The following FARS2 variants were observed in gnomAD, a reference collection of about 807,000 sequenced individuals.
FARS2 encodes phenylalanine--tRNA ligase, mitochondrial.
FARS2 carries 40 observed loss-of-function variants against 46.4 expected under a neutral mutation model. The ratio of observed to expected loss-of-function variants is 0.86; its 90% CI spans 0.67 to 1.12. The LOEUF (loss-of-function observed/expected upper bound fraction) is 1.12. FARS2 is among the 50% of genes most tolerant of loss of function. FARS2 has a pLI of 0.00. For missense variants in FARS2, 513 were observed against 567.9 expected, an observed-to-expected ratio of 0.90 and a Z score of 0.98; for synonymous variants, 234 against 214.9, an observed-to-expected ratio of 1.09 and a Z score of -0.78.
chr6:5,597,799 C>T (rs557876528), intron 5 of FARS2, among the ~76,000 whole-genome samples: 1 of 152,270 alleles, frequency 6.6e-6, no homozygotes, highest in East Asian at 1.9e-4. Context: ...TAAAAACATA[C>T]AAATGCATAA....
intron 5 of FARS2, among the ~76,000 whole-genome samples, chr6:5,597,642 T>C (rs1327803701): frequency 1.3e-5 from 2 of 152,242 alleles, no homozygotes; most frequent in African/African-American, 2.4e-5. Flanking sequence ...GTAGGCTTTG[T>C]TGGACTCATT....
At chr6:5,408,140 C>G (rs1377106845) in intron 3 of FARS2, among the ~76,000 whole-genome samples, 1 of 152,146 alleles carries the variant, frequency 6.6e-6, no homozygotes, top group East Asian at 1.9e-4. Context: ...AATAAGCTAG[C>G]CATACTCCCT....
Position 5,287,335 on chromosome 6 carries a change from G to A in FARS2, c.-22+25675G>A, listed in dbSNP as rs114467110. Among the ~76,000 whole-genome samples, 638 of 152,276 alleles carry A rather than the reference G, an allele frequency of 4.2e-3. 2 individuals carry two copies. The highest frequency in any genetic ancestry group is 0.015 in the African/African-American group (603 of 41,550). ...GTGGGGAAGAGAGAAGAGAAATGGT[G>A]GAGTGGTCCGTGTTATCATCCTGTT... On this transcript the variant is annotated intron_variant, in intron 1 of 6. Coordinates refer to ENST00000274680, the MANE Select transcript of FARS2 (RefSeq NM_006567.5).
At chr6:5,299,944 TA>T (rs1460445122) in intron 1 of FARS2, among the ~76,000 whole-genome samples, 2 of 152,192 alleles carry the variant, frequency 1.3e-5, no homozygotes, top group South Asian at 2.1e-4. Flanking sequence ...CTTTATCTAT[TA>T]AAAAAAGATT....
intron 5 of FARS2, among the ~76,000 whole-genome samples, chr6:5,547,247 C>T (rs1304844281): frequency 2.6e-5 from 4 of 152,130 alleles, no homozygotes; most frequent in East Asian, 3.8e-4. Flanking sequence ...CCACTGCGCC[C>T]GGCCTCATAA....
intron 1 of FARS2, among the ~76,000 whole-genome samples, chr6:5,296,771 C>A (rs1014254125): frequency 2.0e-5 from 3 of 152,114 alleles, no homozygotes; most frequent in African/African-American, 7.2e-5. Context: ...TTTTTAAGGC[C>A]GAGTAGTATT....
chr6:5,700,866 C>T (rs917565351), intron 6 of FARS2, among the ~76,000 whole-genome samples: 1 of 152,182 alleles, frequency 6.6e-6, no homozygotes, highest in Non-Finnish European at 1.5e-5. Context: ...AGAGTCCTGT[C>T]GTTTGGGGGA....
chr6:5,635,200 A>G (rs554952004), intron 6 of FARS2, among the ~76,000 whole-genome samples: 1 of 152,360 alleles, frequency 6.6e-6, no homozygotes, highest in South Asian at 2.1e-4. Flanking sequence ...GGTGCTGGTT[A>G]CATCCTAATG....
At chr6:5,557,302 T>C (rs1443431557) in intron 5 of FARS2, among the ~76,000 whole-genome samples, 1 of 152,118 alleles carries the variant, frequency 6.6e-6, no homozygotes, top group African/African-American at 2.4e-5. Flanking sequence ...TCTAAAACAC[T>C]GAACATTTTA....
intron 5 of FARS2, among the ~76,000 whole-genome samples, chr6:5,561,770 T>C (rs1029640253): frequency 2.0e-5 from 3 of 152,104 alleles, no homozygotes; most frequent in Non-Finnish European, 2.9e-5. Flanking sequence ...TCTATTACCT[T>C]CTCTAGGTTT....
intron 6 of FARS2, among the ~76,000 whole-genome samples, chr6:5,635,175 A>G (rs191034093): frequency 1.2e-4 from 18 of 152,348 alleles, no homozygotes; most frequent in African/African-American, 4.3e-4. Flanking sequence ...GTGTCCAGTA[A>G]GTGTTATTGT....
At chr6:5,649,839 T>C (rs1363522106) in intron 6 of FARS2, among the ~76,000 whole-genome samples, 5 of 152,196 alleles carry the variant, frequency 3.3e-5, no homozygotes, top group South Asian at 2.1e-4. Flanking sequence ...TTGGCAGATG[T>C]GGTCTAGGGT....
At chr6:5,315,738 T>TTTCTTTCTTTCTTTCTTTC in intron 1 of FARS2, among the ~76,000 whole-genome samples, 5,921 of 125,180 alleles carry the variant, frequency 0.047, 282 homozygotes, top group African/African-American at 0.11. Flanking sequence ...TTCTTTCTTT[T>TTTCTTTCTTTCTTTCTTTC]TTCCTTTCTT....
intron 4 of FARS2, among the ~76,000 whole-genome samples, chr6:5,474,198 C>T (rs1269392874): frequency 2.6e-5 from 4 of 152,210 alleles, no homozygotes; most frequent in Non-Finnish European, 5.9e-5. Context: ...TTAATTTCTG[C>T]TGGGGCTTCA....
intron 6 of FARS2, among the ~76,000 whole-genome samples, chr6:5,754,048 A>C (rs992310857): frequency 3.3e-5 from 5 of 152,256 alleles, no homozygotes; most frequent in Non-Finnish European, 5.9e-5. Flanking sequence ...GTTGCTCATT[A>C]AGCAAATTAA....
intron 4 of FARS2, among the ~76,000 whole-genome samples, chr6:5,492,008 C>T (rs555401008): frequency 4.6e-5 from 7 of 152,152 alleles, no homozygotes; most frequent in African/African-American, 1.7e-4. Context: ...ACTTCTTGAC[C>T]TCCCCAATAT....
chr6:5,418,217 A>G (rs919670553), intron 3 of FARS2, among the ~76,000 whole-genome samples: 2 of 152,130 alleles, frequency 1.3e-5, no homozygotes, highest in Admixed American at 6.6e-5. Flanking sequence ...TGTACTTTGT[A>G]TTATGTATTT....
chr6:5,719,673 G>A (rs1368008508), intron 6 of FARS2, among the ~76,000 whole-genome samples: 1 of 152,062 alleles, frequency 6.6e-6, no homozygotes, highest in Non-Finnish European at 1.5e-5. Flanking sequence ...CCAGGGATGC[G>A]GCCAGCCAGG....
intron 2 of FARS2, among the ~76,000 whole-genome samples, chr6:5,380,974 A>AT (rs1762387225): frequency 1.6e-5 from 2 of 127,498 alleles, no homozygotes. Flanking sequence ...TATAGCAATT[A>AT]TTTATTTATT....
Sources: gnomAD v4.1 joint callset for allele counts (sites outside exome capture counted in the v4.1 genomes callset) on GRCh38, gnomAD v4.1.1 for gene constraint, MANE v1.5 for transcripts, NCBI Gene and HGNC (gene_info 2026-07-23, HGNC 2026-07-21) for gene names.